Variants in RBFOX1 observed in about 807,000 individuals in gnomAD.
The protein encoded by RBFOX1 is RNA binding protein fox-1 homolog 1.
Under a neutral mutation model 57.7 loss-of-function variants are expected in RBFOX1, and 8 were observed. The ratio of observed to expected loss-of-function variants is 0.14; its 90% CI spans 0.08 to 0.25. RBFOX1 has a LOEUF of 0.25. Among genes scored for constraint, RBFOX1 ranks in the 10% least tolerant of loss-of-function variants. RBFOX1 has a pLI of 1.00. For synonymous variants in RBFOX1, 326 were observed against 222.4 expected (o/e 1.47, Z -4.15); for missense variants, 611 against 548.5 (o/e 1.11, Z -1.14).
At chr16:7,526,512 CT>C (rs2078745638) in intron 5 of RBFOX1, among the ~76,000 whole-genome samples, 3 of 152,146 alleles carry the variant, frequency 2.0e-5, no homozygotes, top group Admixed American at 2.0e-4. Flanking sequence ...GATCTCCTCC[CT>C]TTTTTCTTCT....
intron 3 of RBFOX1, among the ~76,000 whole-genome samples, chr16:5,856,563 ATGTGTG>A (rs1317876935): frequency 1.5e-5 from 1 of 66,928 alleles, no homozygotes; most frequent in Non-Finnish European, 2.8e-5. Flanking sequence ...GTGTGTGTGT[ATGTGTG>A]TGTGTGTATA....
intron 9 of RBFOX1, 48 bp from the exon 10 acceptor site, chr16:7,607,237 G>T (rs776053719): frequency 3.1e-5 from 46 of 1,500,612 alleles, no homozygotes; most frequent in Non-Finnish European, 4.0e-5. Flanking sequence ...AATTATATAA[G>T]ATGTTGAATC....
chr16:7,579,735 T>TCAA lies in RBFOX1; in HGVS notation c.271-42_271-41insCAA, dbSNP rs750053099. On this transcript the variant is annotated intron_variant, in intron 5 of 15. Coordinates refer to ENST00000550418, the MANE Select transcript of RBFOX1 (RefSeq NM_018723.4). ...AAAAGAGCATCGGAAGAGAGCACTG[T>TCAA]GGTCCACTGAGAACCTCTTCGGTTT... The TCAA allele has an allele frequency of 1.9e-5, 30 of 1,612,658 alleles. No homozygotes were observed. In the Admixed American group the frequency reaches 5.0e-4, roughly 27 times the overall value.
At chr16:5,789,341 C>T (rs1395299769) in intron 3 of RBFOX1, among the ~76,000 whole-genome samples, 1 of 152,150 alleles carries the variant, frequency 6.6e-6, no homozygotes, top group Non-Finnish European at 1.5e-5. Context: ...ACAGTAAATG[C>T]TTCTGAGAAA....
At chr16:5,254,602 C>A (rs1997283) in intron 1 of RBFOX1, among the ~76,000 whole-genome samples, 25,058 of 152,100 alleles carry the variant, frequency 0.16, 2,345 homozygotes, top group African/African-American at 0.26. Context: ...TGTTCAGTTT[C>A]TTTTCTCTGT....
chr16:7,497,196 T>C (rs1421893466), intron 4 of RBFOX1, among the ~76,000 whole-genome samples: 1 of 152,208 alleles, frequency 6.6e-6, no homozygotes, highest in Admixed American at 6.5e-5. Context: ...CATTTTCTGA[T>C]TCTCTTCCTA....
At chr16:6,659,532 G>GTT (rs987760998) in intron 3 of RBFOX1, among the ~76,000 whole-genome samples, 2 of 152,050 alleles carry the variant, frequency 1.3e-5, no homozygotes, top group African/African-American at 4.8e-5. Context: ...CATTTTCCCT[G>GTT]TTTTACAGGT....
intron 2 of RBFOX1, among the ~76,000 whole-genome samples, chr16:6,436,659 A>G: frequency 6.6e-6 from 1 of 151,882 alleles, no homozygotes; most frequent in Non-Finnish European, 1.5e-5. Flanking sequence ...TAATTTGTTG[A>G]TGATTTTTCT....
chr16:6,821,667 C>T (rs1029388666), intron 3 of RBFOX1, among the ~76,000 whole-genome samples: 2 of 152,174 alleles, frequency 1.3e-5, no homozygotes, highest in African/African-American at 4.8e-5. Context: ...TGACTTCTTT[C>T]AGCATAATGT....
intron 3 of RBFOX1, among the ~76,000 whole-genome samples, chr16:6,702,398 A>T (rs950355550): frequency 2.0e-5 from 3 of 152,184 alleles, no homozygotes; most frequent in Admixed American, 1.3e-4. Flanking sequence ...TACTAAAAAT[A>T]CAAAAATCTG....
chr16:6,737,425 A>T (rs2070699794), intron 3 of RBFOX1, among the ~76,000 whole-genome samples: 1 of 152,208 alleles, frequency 6.6e-6, no homozygotes, highest in Admixed American at 6.5e-5. Flanking sequence ...TCACAGTATT[A>T]AAATAGAATT....
intron 3 of RBFOX1, among the ~76,000 whole-genome samples, chr16:7,019,528 C>A (rs900090051): frequency 6.6e-6 from 1 of 152,126 alleles, no homozygotes; most frequent in Non-Finnish European, 1.5e-5. Flanking sequence ...GGTCCTCTCT[C>A]TCCTCTTGTT....
At chr16:5,712,336 A>C (rs2051521170) in intron 3 of RBFOX1, among the ~76,000 whole-genome samples, 1 of 152,240 alleles carries the variant, frequency 6.6e-6, no homozygotes, top group Non-Finnish European at 1.5e-5. Context: ...CTAGGAGATT[A>C]GAAATATTAT....
chr16:5,404,430 G>T (rs1042981662), intron 1 of RBFOX1, among the ~76,000 whole-genome samples: 4 of 152,152 alleles, frequency 2.6e-5, no homozygotes, highest in African/African-American at 9.7e-5. Context: ...AAATCTGAGA[G>T]GCCACTGTCA....
At position 5,682,105 on chromosome 16, in the gene RBFOX1, C is replaced by T. The variant is rs543343576; in HGVS notation, c.318+83144C>T. ...GTAGGACAGCATTACAGTTGGGTTT[C>T]AGATTGCCGTTTCATGTCGGGCACT... On this transcript the variant is annotated intron_variant, in intron 3 of 19. Coordinates refer to the RBFOX1 transcript ENST00000641259. Among the ~76,000 whole-genome samples the T allele has an allele frequency of 3.3e-5, 5 of 152,282 alleles. No homozygotes were observed. The South Asian group carries it at 1.0e-3, about 32-fold the overall frequency.
At chr16:7,247,114 G>A (rs1036118562) in intron 4 of RBFOX1, among the ~76,000 whole-genome samples, 3 of 152,166 alleles carry the variant, frequency 2.0e-5, no homozygotes, top group Admixed American at 6.5e-5. Flanking sequence ...AGGTCAGCTG[G>A]CCCTCAAGTG....
intron 1 of RBFOX1, among the ~76,000 whole-genome samples, chr16:5,337,718 TGTGCCTGTACAGATA>T (rs1294492607): frequency 1.3e-5 from 2 of 152,210 alleles, no homozygotes; most frequent in East Asian, 3.8e-4. Context: ...TCCTGAGCTC[TGTGCCTGTACAGATA>T]GTTGAGAAAC....
chr16:6,345,798 C>T (rs755205264), intron 2 of RBFOX1, among the ~76,000 whole-genome samples: 2 of 152,198 alleles, frequency 1.3e-5, no homozygotes, highest in Non-Finnish European at 2.9e-5. Flanking sequence ...GCCTGTGACA[C>T]GGCCTCAGGA....
chr16:7,579,709 C>T, intron 5 of RBFOX1, 68 bp from the exon 6 acceptor site: 1 of 1,585,400 alleles, frequency 6.3e-7, no homozygotes, highest in East Asian at 2.2e-5. Flanking sequence ...TCATGGCAAG[C>T]AAAAGAGCAT....
Sources: gnomAD v4.1 joint callset for allele counts (sites outside exome capture counted in the v4.1 genomes callset) on GRCh38, gnomAD v4.1.1 for gene constraint, MANE v1.5 for transcripts, NCBI Gene and HGNC (gene_info 2026-07-23, HGNC 2026-07-21) for gene names.